The following GABRB1 variants were observed in gnomAD, a reference collection of about 807,000 sequenced individuals.
GABRB1 encodes gamma-aminobutyric acid type A receptor subunit beta1, also known as gamma-aminobutyric acid receptor subunit beta-1.
Under a neutral mutation model 51.6 loss-of-function variants are expected in GABRB1, and 17 were observed. That is an observed-to-expected ratio of 0.33 (90% confidence interval 0.23 to 0.49). The LOEUF (loss-of-function observed/expected upper bound fraction) is 0.49. Ranked by LOEUF, GABRB1 falls within the 20% of genes least tolerant of loss-of-function variation. The pLI is 0.99. For synonymous variants in GABRB1, 247 were observed against 218.9 expected (o/e 1.13, Z -1.14); for missense variants, 410 against 600.6 (o/e 0.68, Z 3.32).
At chr4:47,198,995 A>G (rs1220128642) in intron 4 of GABRB1, among the ~76,000 whole-genome samples, 1 of 152,188 alleles carries the variant, frequency 6.6e-6, no homozygotes, top group Non-Finnish European at 1.5e-5. Context: ...AACCACCCCC[A>G]TGATCCAATT....
intron 1 of GABRB1, among the ~76,000 whole-genome samples, chr4:47,020,646 C>T (rs1342910246): frequency 1.3e-5 from 2 of 152,142 alleles, no homozygotes; most frequent in Admixed American, 6.6e-5. Context: ...GTCCTGTTAA[C>T]TGTAGCTTCA....
chr4:47,048,700 A>G (rs1726207282), intron 3 of GABRB1, among the ~76,000 whole-genome samples: 1 of 152,156 alleles, frequency 6.6e-6, no homozygotes, highest in Non-Finnish European at 1.5e-5. Flanking sequence ...AATATTTAAT[A>G]TCCTTATTTC....
intron 3 of GABRB1, among the ~76,000 whole-genome samples, chr4:47,139,810 C>T (rs1489063712): frequency 6.6e-6 from 1 of 151,900 alleles, no homozygotes; most frequent in African/African-American, 2.4e-5. Context: ...TAGGGTGGGA[C>T]CTGAGCTTCT....
intron 5 of GABRB1, among the ~76,000 whole-genome samples, chr4:47,367,783 T>C (rs1261763808): frequency 6.6e-6 from 1 of 152,198 alleles, no homozygotes; most frequent in African/African-American, 2.4e-5. Context: ...GCACTTGTTC[T>C]TCTCTTGTAG....
intron 3 of GABRB1, among the ~76,000 whole-genome samples, chr4:47,051,510 T>C (rs756458255): frequency 1.3e-5 from 2 of 152,228 alleles, no homozygotes; most frequent in African/African-American, 4.8e-5. Flanking sequence ...TTAGTTTTCA[T>C]TGCAGTGTTG....
chr4:47,164,542 T>A (rs1718090011), intron 4 of GABRB1, among the ~76,000 whole-genome samples: 1 of 152,116 alleles, frequency 6.6e-6, no homozygotes, highest in African/African-American at 2.4e-5. Flanking sequence ...GGTCCATATA[T>A]TAATGAGCAG....
chr4:47,408,324 C>T (rs1415640161), intron 8 of GABRB1, among the ~76,000 whole-genome samples: 5 of 151,942 alleles, frequency 3.3e-5, no homozygotes, highest in African/African-American at 9.7e-5. Flanking sequence ...GAGAGAAGAC[C>T]GGTAGAGCAA....
intron 4 of GABRB1, among the ~76,000 whole-genome samples, chr4:47,313,912 C>A (rs1240182018): frequency 3.9e-5 from 6 of 151,960 alleles, no homozygotes; most frequent in Admixed American, 1.3e-4. Flanking sequence ...GAGTTGGTAC[C>A]TAATTCAAGT....
At chr4:47,174,858 C>G (rs1030350540) in intron 4 of GABRB1, among the ~76,000 whole-genome samples, 1 of 151,052 alleles carries the variant, frequency 6.6e-6, no homozygotes, top group East Asian at 2.0e-4. Context: ...CTCCCTCCCT[C>G]CTTCCCTCCC....
chr4:47,207,791 G>A (rs981141121), intron 4 of GABRB1, among the ~76,000 whole-genome samples: 3 of 40,566 alleles, frequency 7.4e-5, no homozygotes, highest in African/African-American at 1.1e-4. Context: ...TCTGTAGCAT[G>A]GCTTGGAACT....
rs557135244 is a variant in GABRB1 at position 47,020,418 on chromosome 4, T to A, written c.-19-11496T>A. Among the ~76,000 whole-genome samples, 4 of 152,204 alleles carry A rather than the reference T, an allele frequency of 2.6e-5. No homozygotes were observed. In the South Asian group the frequency reaches 8.3e-4, roughly 32 times the overall value. Reference sequence around the variant, plus strand: ...CCAAGGCCTCTTCCTTGACATGGAGTTACCCTGCTGCCTACTCAGAATTCC... The same window carrying A: ...CCAAGGCCTCTTCCTTGACATGGAGATACCCTGCTGCCTACTCAGAATTCC... On this transcript the variant is annotated intron_variant, in intron 1 of 3. Transcript: ENST00000513567.
intron 3 of GABRB1, among the ~76,000 whole-genome samples, chr4:47,092,395 A>C (rs1196773586): frequency 6.6e-6 from 1 of 150,462 alleles, no homozygotes; most frequent in Non-Finnish European, 1.5e-5. Flanking sequence ...CTCGTCTCGA[A>C]CCCCTGACTT....
chr4:47,155,222 ACAGCT>A (rs1327343647), intron 3 of GABRB1, among the ~76,000 whole-genome samples: 12 of 152,230 alleles, frequency 7.9e-5, no homozygotes, highest in Non-Finnish European at 4.4e-5. Context: ...GCAGTGATGC[ACAGCT>A]CTACTCTAAT....
At chr4:47,293,951 A>G (rs1399640044) in intron 4 of GABRB1, among the ~76,000 whole-genome samples, 1 of 152,242 alleles carries the variant, frequency 6.6e-6, no homozygotes. Context: ...GACCTTATAT[A>G]TTCTTTTAAC....
At chr4:47,358,890 C>A (rs1726692799) in intron 5 of GABRB1, among the ~76,000 whole-genome samples, 1 of 151,890 alleles carries the variant, frequency 6.6e-6, no homozygotes, top group South Asian at 2.1e-4. Context: ...TGTGGGGACC[C>A]CCGGTGTTTT....
intron 4 of GABRB1, among the ~76,000 whole-genome samples, chr4:47,268,487 T>C (rs1418374436): frequency 1.3e-5 from 2 of 152,192 alleles, no homozygotes; most frequent in African/African-American, 4.8e-5. Flanking sequence ...TATGTGCATG[T>C]ATTACATCAT....
intron 4 of GABRB1, among the ~76,000 whole-genome samples, chr4:47,259,545 T>A (rs1722343642): frequency 6.6e-6 from 1 of 152,148 alleles, no homozygotes; most frequent in Admixed American, 6.6e-5. Context: ...TTTTTGTTAA[T>A]TATCTCATTC....
intron 5 of GABRB1, among the ~76,000 whole-genome samples, chr4:47,332,474 A>C (rs1164039305): frequency 6.6e-6 from 1 of 152,232 alleles, no homozygotes; most frequent in Non-Finnish European, 1.5e-5. Flanking sequence ...ACATACGAAT[A>C]ATGAAACAAG....
chr4:47,169,422 T>C (rs1049562544), intron 4 of GABRB1, among the ~76,000 whole-genome samples: 1 of 152,162 alleles, frequency 6.6e-6, no homozygotes, highest in Non-Finnish European at 1.5e-5. Context: ...ATACCTTCCT[T>C]TGTTTAAAAG....
Sources: gnomAD v4.1 joint callset for allele counts (sites outside exome capture counted in the v4.1 genomes callset) on GRCh38, gnomAD v4.1.1 for gene constraint, MANE v1.5 for transcripts, NCBI Gene and HGNC (gene_info 2026-07-23, HGNC 2026-07-21) for gene names.